Variants in ZDHHC19 observed in about 807,000 individuals in gnomAD.
ZDHHC19 encodes zDHHC palmitoyltransferase 19, also known as palmitoyltransferase ZDHHC19.
In ZDHHC19, 30 loss-of-function variants were observed where a neutral mutation model predicts 33.9. The observed-to-expected ratio is 0.88, with a 90% CI of 0.66 to 1.20. The LOEUF is 1.20. Among genes scored for constraint, ZDHHC19 ranks in the 50% most tolerant of loss-of-function variants. The pLI, the probability that ZDHHC19 is intolerant of heterozygous loss-of-function variation, is 0.00. For missense variants in ZDHHC19, 364 were observed against 401.1 expected (o/e 0.91, Z 0.79); for synonymous variants, 178 against 167.6 (o/e 1.06, Z -0.48).
chr3:196,200,574 TC>T (rs1560131212), intron 5 of ZDHHC19, among the ~76,000 whole-genome samples: 1 of 150,552 alleles, frequency 6.6e-6, no homozygotes, highest in African/African-American at 2.5e-5. Context: ...CAGGATGGTC[TC>T]GATCTCCTGA....
In ZDHHC19 at chr3:196,211,165, C is replaced by T. The variant is rs774008947; in HGVS notation, c.146+5G>A. ...GAAACCTAACGGCTTGCCTGGAAAA[C>T]TCACGGGAATGCGAAGAAGAGGCCA... On this transcript the variant is annotated splice_donor_5th_base_variant and intron_variant, in intron 1 of 7. Transcript: ENST00000296326. 1.9e-6 allele frequency: 3 copies of T among 1,613,856 alleles called. No individual in the cohort carries two copies. The highest frequency in any genetic ancestry group is 1.7e-6 in the Non-Finnish European group (2 of 1,179,938).
In ZDHHC19 at chr3:196,198,320, C is replaced by G; in HGVS notation, c.905G>C (p.Arg302Thr). The G allele has an allele frequency of 6.6e-7, 1 of 1,507,556 alleles. No homozygotes were observed. The highest frequency in any genetic ancestry group is 1.9e-4 in the Middle Eastern group (1 of 5,264). 93.4% of individuals were successfully genotyped at this position (1,507,556 alleles called of 1,614,324 possible). Residue 302 changes from arginine (R) to threonine (T), a missense_variant, in exon 7 of 8, where the codon AGG (arginine) becomes ACG (threonine). Arg to Thr is a moderately conservative substitution (Grantham distance 71, BLOSUM62 -1). Transcript: ENST00000296326. ...PAPTSGSLQS[R>T]EGTPGAW ...TCACCACGCCCCGGGGGTCCCTTCCCTGCTTTGTAGGGACCCAGAGGTTGG... is the reference window on the plus strand; with the variant it reads ...TCACCACGCCCCGGGGGTCCCTTCCGTGCTTTGTAGGGACCCAGAGGTTGG...
chr3:196,207,705 AGG>A (rs1431570707), intron 4 of ZDHHC19, among the ~76,000 whole-genome samples: 5 of 3,392 alleles, frequency 1.5e-3, no homozygotes, highest in African/African-American at 3.5e-3. Context: ...CCCGCCCCTC[AGG>A]CCCGACTCCG....
intron 2 of ZDHHC19, among the ~76,000 whole-genome samples, chr3:196,210,268 G>GAAAGAAAGAAAGAAAGAAAGAA (rs1553821777): frequency 8.4e-6 from 1 of 119,172 alleles, no homozygotes; most frequent in African/African-American, 3.2e-5. Context: ...AGAAAGAAAA[G>GAAAGAAAGAAAGAAAGAAAGAA]AGAAAGAAAG....
chr3:196,198,146 T>C (rs1655084708), intron 7 of ZDHHC19, 130 bp downstream of exon 7: 1 of 902,040 alleles, frequency 1.1e-6, no homozygotes, highest in Non-Finnish European at 1.5e-6. Flanking sequence ...AGAACCCTCC[T>C]CCCCCCAAGC....
intron 5 of ZDHHC19, chr3:196,199,309 A>C: frequency 5.6e-6 from 1 of 178,416 alleles, no homozygotes; most frequent in South Asian, 1.2e-4. Context: ...ACCCCCTCCC[A>C]AACTCCCTCT....
At chr3:196,207,921 G>T (rs1443394413) in intron 4 of ZDHHC19, among the ~76,000 whole-genome samples, 1 of 126,756 alleles carries the variant, frequency 7.9e-6, no homozygotes, top group African/African-American at 2.9e-5. Flanking sequence ...CCGTGACCCC[G>T]CCAGATTCCT....
At chr3:196,210,320 AGAAG>A (rs1222194086) in intron 2 of ZDHHC19, among the ~76,000 whole-genome samples, 2 of 115,978 alleles carry the variant, frequency 1.7e-5, no homozygotes, top group East Asian at 2.3e-4. Context: ...AAGAAAGGAA[AGAAG>A]GAAAGAAAGA....
At chr3:196,208,057 T>C (rs973835807) in intron 4 of ZDHHC19, among the ~76,000 whole-genome samples, 6 of 151,282 alleles carry the variant, frequency 4.0e-5, no homozygotes, top group Non-Finnish European at 5.9e-5. Flanking sequence ...GCGCGAGCCA[T>C]CACGCCCGGC....
chr3:196,211,326 C>T lies in ZDHHC19; in HGVS notation c.-11G>A. ...CGTTAAGAGTGTCATGGCTGGGCCTCCTTCGCCTCCAGGGGAGGTCAGAGC... is the reference window on the plus strand; with the variant it reads ...CGTTAAGAGTGTCATGGCTGGGCCTTCTTCGCCTCCAGGGGAGGTCAGAGC... On this transcript the variant is annotated 5_prime_UTR_variant, in exon 1 of 8. Transcript: ENST00000296326. 2.5e-6 allele frequency: 4 copies of T among 1,600,220 alleles called. No homozygotes were observed. In the South Asian group the frequency reaches 4.5e-5, roughly 18 times the overall value.
chr3:196,208,507 G>A lies in ZDHHC19; in HGVS notation c.462C>T (p.Phe154=), dbSNP rs746214843. Residue 154 remains phenylalanine (F), a synonymous_variant, in exon 4 of 8, where the codon TTC becomes TTT. Transcript: ENST00000296326. The part of the protein sequence containing the change: ...WVNNCIGHRN[F]RFFMLLVLSL... The stretch of plus-strand genomic sequence containing the variant: ...ACAGGACAAGCAGCATGAAGAAGCG[G>A]AAGTTGCGGTGACCGATGCAGTTAT... 1.2e-5 allele frequency: 20 copies of A among 1,614,078 alleles called. No homozygotes were observed. The highest frequency in any genetic ancestry group is 1.6e-5 in the Non-Finnish European group (19 of 1,180,024).
At position 196,203,554 on chromosome 3, in the gene ZDHHC19, C is replaced by T. The variant is rs1351025515; in HGVS notation, c.687+3844G>A. 3.9e-5 allele frequency among the ~76,000 whole-genome samples: 6 copies of T among 152,120 alleles called. No individual in the cohort carries two copies. The highest frequency in any genetic ancestry group is 7.3e-5 in the Non-Finnish European group (5 of 68,036). On this transcript the variant is annotated intron_variant, in intron 5 of 7. Transcript: ENST00000296326. This position sits in a 1 kb window ranked among gnomAD's most constrained non-coding sequence, Gnocchi z 4.3. The stretch of plus-strand genomic sequence containing the variant: ...AGGAGGAAGGGAATGAGATTTGGGG[C>T]ATGTGAAGAAGGCCTGAGGCAGGTG...
chr3:196,209,337 G>A, intron 3 of ZDHHC19, 39 bp downstream of exon 3: 1 of 1,562,394 alleles, frequency 6.4e-7, no homozygotes, highest in Non-Finnish European at 8.7e-7. Flanking sequence ...CCAGCCAGAT[G>A]TGGGGCGATG....
In ZDHHC19 at chr3:196,201,044, A is replaced by G. The variant is rs939854247; in HGVS notation, c.688-2170T>C. Among the ~76,000 whole-genome samples the G allele has an allele frequency of 1.3e-4, 20 of 151,558 alleles. 1 individual carries two copies. The highest frequency in any genetic ancestry group is 1.5e-5 in the Non-Finnish European group (1 of 67,992). ...TAGAAAAATGCTTAAAGGAATGATG[A>G]TCTTTAATAAATTCATAAGACTGAC... is the stretch of plus-strand genomic sequence containing the variant. On this transcript the variant is annotated intron_variant, in intron 5 of 7. Coordinates refer to ENST00000296326, the MANE Select transcript of ZDHHC19 (RefSeq NM_001039617.2).
intron 4 of ZDHHC19, 71 bp downstream of exon 4, chr3:196,208,317 A>C: frequency 6.8e-7 from 1 of 1,462,010 alleles, no homozygotes. Flanking sequence ...CCGCCCCCAT[A>C]GCCCCGCCCT....
chr3:196,207,544 T>G, intron 4 of ZDHHC19, 41 bp from the exon 5 acceptor site: 2 of 1,475,330 alleles, frequency 1.4e-6, no homozygotes, highest in Non-Finnish European at 1.8e-6. Context: ...CCCCCACGCC[T>G]GGCCCCGCCC....
intron 5 of ZDHHC19, among the ~76,000 whole-genome samples, chr3:196,201,999 G>A (rs1392687669): frequency 5.3e-5 from 8 of 152,140 alleles, no homozygotes; most frequent in Middle Eastern, 3.4e-3. Context: ...TTCACTCACT[G>A]TTTCAGGAAT....
rs775755587 is a variant in ZDHHC19 at position 196,198,478 on chromosome 3, G to A, written c.774-27C>T. 5.0e-6 allele frequency: 8 copies of A among 1,595,102 alleles called. No homozygotes were observed. In the South Asian group the frequency reaches 5.7e-5, roughly 11 times the overall value. On this transcript the variant is annotated intron_variant, in intron 6 of 7. Transcript: ENST00000296326. Reference sequence around the variant, plus strand: ...TGGGGAGCAGCAGGCCAGATGCAGGGGCCACCGTCCTCCCTGGTCCGGCTC... The same window carrying A: ...TGGGGAGCAGCAGGCCAGATGCAGGAGCCACCGTCCTCCCTGGTCCGGCTC...
intron 5 of ZDHHC19, among the ~76,000 whole-genome samples, chr3:196,205,209 A>G (rs754861844): frequency 1.3e-5 from 2 of 152,250 alleles, no homozygotes; most frequent in Non-Finnish European, 2.9e-5. Context: ...ACCAGTGTTT[A>G]TAGCAGCTTT....
Sources: gnomAD v4.1 joint callset for allele counts (sites outside exome capture counted in the v4.1 genomes callset) on GRCh38, gnomAD v4.1.1 for gene constraint, Gnocchi (gnomAD v3.1) non-coding constraint, MANE v1.5 for transcripts, NCBI Gene and HGNC (gene_info 2026-07-23, HGNC 2026-07-21) for gene names.